The following TCF12 variants were observed in gnomAD, a reference collection of about 807,000 sequenced individuals.
TCF12 encodes transcription factor 12.
Under a neutral mutation model 86.0 loss-of-function variants are expected in TCF12, and 45 were observed. The observed-to-expected ratio is 0.52, with a 90% confidence interval of 0.41 to 0.67. The LOEUF is 0.67. Ranked by LOEUF, TCF12 falls within the 30% of genes least tolerant of loss-of-function variation. The pLI, the probability that TCF12 is intolerant of heterozygous loss-of-function variation, is 0.00. For synonymous variants in TCF12, 330 were observed against 299.6 expected, an observed-to-expected ratio of 1.10 and a Z score of -1.05; for missense variants, 881 against 859.9, an observed-to-expected ratio of 1.02 and a Z score of -0.31.
At chr15:57,186,228 G>C (rs2056657242) in intron 6 of TCF12, among the ~76,000 whole-genome samples, 1 of 152,224 alleles carries the variant, frequency 6.6e-6, no homozygotes, top group Non-Finnish European at 1.5e-5. Flanking sequence ...GCAGGACCCA[G>C]TGGCTCATGC....
Position 57,243,456 on chromosome 15 carries a change from C to T in TCF12, c.1036-16C>T, listed in dbSNP as rs753052121. The T allele has an allele frequency of 2.0e-5, 32 of 1,608,896 alleles. No individual in the cohort carries two copies. The highest frequency in any genetic ancestry group is 2.7e-5 in the Non-Finnish European group (32 of 1,176,022). On this transcript the variant is annotated splice_polypyrimidine_tract_variant and intron_variant, in intron 12 of 20. Coordinates refer to ENST00000333725, the MANE Select transcript of TCF12 (RefSeq NM_207037.2). Reference sequence around the variant, plus strand: ...GTCACATGTTGATACATGTATATTTCTTGTTTTCTGGTTAGATTTATTCTC... The same window carrying T: ...GTCACATGTTGATACATGTATATTTTTTGTTTTCTGGTTAGATTTATTCTC...
At chr15:57,004,944 A>G (rs1258021234) in intron 3 of TCF12, among the ~76,000 whole-genome samples, 1 of 152,214 alleles carries the variant, frequency 6.6e-6, no homozygotes, top group African/African-American at 2.4e-5. Flanking sequence ...AGTATTAGCT[A>G]TACTATATGC....
intron 3 of TCF12, among the ~76,000 whole-genome samples, chr15:57,063,007 A>C (rs1366333314): frequency 1.3e-5 from 2 of 152,188 alleles, no homozygotes; most frequent in African/African-American, 4.8e-5. Context: ...TTCGGAGGTG[A>C]AAATAATGGA....
chr15:56,972,209 G>A (rs1275396038), intron 3 of TCF12, among the ~76,000 whole-genome samples: 2 of 152,158 alleles, frequency 1.3e-5, no homozygotes, highest in Non-Finnish European at 2.9e-5. Context: ...ATGCTAATTA[G>A]TACAGCCCTT....
At chr15:57,053,143 T>A (rs778807410) in intron 3 of TCF12, among the ~76,000 whole-genome samples, 1 of 152,210 alleles carries the variant, frequency 6.6e-6, no homozygotes, top group Non-Finnish European at 1.5e-5. Context: ...TGTATGTGTG[T>A]TTTTAATAAT....
At chr15:57,200,193 A>G (rs2057470727) in intron 8 of TCF12, among the ~76,000 whole-genome samples, 2 of 152,040 alleles carry the variant, frequency 1.3e-5, no homozygotes, top group African/African-American at 4.8e-5. Flanking sequence ...AATCTCAAGT[A>G]TTTAAAAAAG....
intron 3 of TCF12, among the ~76,000 whole-genome samples, chr15:57,022,566 C>T (rs1192865796): frequency 6.6e-6 from 1 of 152,088 alleles, no homozygotes; most frequent in Admixed American, 6.5e-5. Context: ...ATTTATAATC[C>T]TTTGGGTATA....
At chr15:57,021,542 A>G (rs1444735090) in intron 3 of TCF12, among the ~76,000 whole-genome samples, 4 of 152,206 alleles carry the variant, frequency 2.6e-5, no homozygotes, top group African/African-American at 9.6e-5. Context: ...AATGAGCTAC[A>G]TGCCTCAGAA....
chr15:57,176,566 C>T (rs921080619), intron 6 of TCF12, among the ~76,000 whole-genome samples: 3 of 152,090 alleles, frequency 2.0e-5, no homozygotes, highest in South Asian at 2.1e-4. Flanking sequence ...GCTGCTGTTG[C>T]GTCTGTTATT....
intron 6 of TCF12, among the ~76,000 whole-genome samples, chr15:57,179,393 C>T (rs1348079484): frequency 1.3e-5 from 2 of 152,132 alleles, no homozygotes; most frequent in African/African-American, 4.8e-5. Context: ...GAGGCTGAGA[C>T]AGGAGAATTG....
At chr15:56,925,540 A>G (rs1273682515) in intron 3 of TCF12, among the ~76,000 whole-genome samples, 1 of 152,210 alleles carries the variant, frequency 6.6e-6, no homozygotes, top group Non-Finnish European at 1.5e-5. Context: ...GCAATAAACA[A>G]TGCTGTCTTA....
chr15:57,074,787 C>G (rs1433730904), intron 4 of TCF12, among the ~76,000 whole-genome samples: 1 of 152,182 alleles, frequency 6.6e-6, no homozygotes, highest in African/African-American at 2.4e-5. Flanking sequence ...ATTCTTATAA[C>G]AGATTGCAGA....
At chr15:57,284,055 C>G (rs1281152324) in intron 20 of TCF12, among the ~76,000 whole-genome samples, 2 of 152,200 alleles carry the variant, frequency 1.3e-5, no homozygotes, top group Non-Finnish European at 2.9e-5. Context: ...GGACTTTAGG[C>G]AAGAGCTAGT....
intron 8 of TCF12, among the ~76,000 whole-genome samples, chr15:57,212,431 A>G (rs754741081): frequency 6.6e-6 from 1 of 151,966 alleles, no homozygotes; most frequent in South Asian, 2.1e-4. Flanking sequence ...TTACAGGTGC[A>G]CACCACCCAG....
intron 13 of TCF12, chr15:57,247,981 C>T: frequency 1.4e-6 from 1 of 726,254 alleles, no homozygotes; most frequent in Non-Finnish European, 2.5e-6. Flanking sequence ...GCCCTTCTCC[C>T]CCACCACCCC....
At chr15:57,138,961 C>G (rs1273122990) in intron 5 of TCF12, among the ~76,000 whole-genome samples, 1 of 152,114 alleles carries the variant, frequency 6.6e-6, no homozygotes, top group Non-Finnish European at 1.5e-5. Flanking sequence ...TAACCAGTAG[C>G]TGAGATCATT....
At chr15:56,920,487 C>CGTGTGTGTGTGTGT (rs71113033) in intron 2 of TCF12, among the ~76,000 whole-genome samples, 11,031 of 146,834 alleles carry the variant, frequency 0.075, 496 homozygotes, top group Non-Finnish European at 0.089. Context: ...CACACACACA[C>CGTGTGTGTGTGTGT]GTGTGTGTGT....
chr15:57,054,597 C>G (rs1312532764), intron 3 of TCF12, among the ~76,000 whole-genome samples: 1 of 152,104 alleles, frequency 6.6e-6, no homozygotes, highest in African/African-American at 2.4e-5. Flanking sequence ...GATTGCTTCC[C>G]TGTCTTCTTT....
At chr15:57,234,577 T>C (rs751297649) in intron 12 of TCF12, among the ~76,000 whole-genome samples, 4 of 152,206 alleles carry the variant, frequency 2.6e-5, no homozygotes, top group Non-Finnish European at 4.4e-5. Flanking sequence ...GCCAGATTCA[T>C]TGAAGAATCA....
Sources: allele counts gnomAD v4.1 joint callset (sites outside exome capture counted in the v4.1 genomes callset), GRCh38; gene constraint gnomAD v4.1.1; transcripts MANE v1.5; gene names NCBI Gene and HGNC (gene_info 2026-07-23, HGNC 2026-07-21).